Variants in BABAM1 observed in about 807,000 individuals in gnomAD.
BABAM1 encodes the protein BRISC and BRCA1-A complex member 1.
A neutral mutation model predicts 34.4 loss-of-function variants in BABAM1; 14 were observed. The ratio of observed to expected loss-of-function variants is 0.41; its 90% CI spans 0.27 to 0.64. The LOEUF (loss-of-function observed/expected upper bound fraction) is 0.64. BABAM1 is among the 30% of genes least tolerant of loss of function. The pLI is 0.34. For missense variants in BABAM1, 393 were observed against 434.0 expected (o/e 0.91, Z 0.84); for synonymous variants, 169 against 165.8 (o/e 1.02, Z -0.15).
At position 17,277,081 on chromosome 19, in the gene BABAM1, TGATGGGGTGGCAGCCATTGGGAC is replaced by T. The variant is rs2073918410; in HGVS notation, c.786+178_786+200del. The T allele has an allele frequency of 1.3e-5, 8 of 631,712 alleles. No individual in the cohort carries two copies. The South Asian group carries it at 1.6e-4, about 13-fold the overall frequency. The allele number at this position is 631,712 out of a possible 1,614,324, so 39.1% of individuals were successfully genotyped here. The stretch of plus-strand genomic sequence containing the variant: ...CCGTTTCCCAGTTGTCTGCTGTGAC[TGATGGGGTGGCAGCCATTGGGAC>T]GATGGTCCAGGCAACATGTTGAGTC... On this transcript the variant is annotated intron_variant, in intron 8 of 8. Transcript: ENST00000598188.
At chr19:17,272,332 G>A (rs1279925508) in intron 3 of BABAM1, among the ~76,000 whole-genome samples, 2 of 152,166 alleles carry the variant, frequency 1.3e-5, no homozygotes, top group Non-Finnish European at 2.9e-5. Context: ...TTGATCCCAA[G>A]AGTTTGAGGC....
chr19:17,278,377 C>T (rs1472254333), intron 8 of BABAM1, among the ~76,000 whole-genome samples: 2 of 148,194 alleles, frequency 1.3e-5, no homozygotes, highest in South Asian at 2.2e-4. Context: ...GGTGTGATCT[C>T]GGCTCACTGC....
At chr19:17,271,346 G>A (rs1008159847) in intron 2 of BABAM1, among the ~76,000 whole-genome samples, 5 of 152,102 alleles carry the variant, frequency 3.3e-5, no homozygotes, top group South Asian at 2.1e-4. Flanking sequence ...GCCACAGTTC[G>A]ATCCACTATA....
chr19:17,271,675 G>A lies in BABAM1; in HGVS notation c.344+20G>A, dbSNP rs997173429. The A allele has an allele frequency of 1.2e-6, 2 of 1,612,330 alleles. No individual in the cohort carries two copies. The highest frequency in any genetic ancestry group is 2.7e-5 in the African/African-American group (2 of 74,888). ...CAACGGGTAAGAGGGACATTTTAGG[G>A]CTTGAACATGCAGCCATGGCAGGGA... On this transcript the variant is annotated intron_variant, in intron 3 of 8. Transcript: ENST00000598188.
chr19:17,273,085 T>C (rs1447795428), intron 3 of BABAM1, among the ~76,000 whole-genome samples: 1 of 152,168 alleles, frequency 6.6e-6, no homozygotes, highest in Non-Finnish European at 1.5e-5. Flanking sequence ...CTATGGCCCA[T>C]TGAGGCTCCA....
intron 8 of BABAM1, chr19:17,277,202 CTTT>C (rs10532887): frequency 0.047 from 8,250 of 176,098 alleles, 10 homozygotes; most frequent in South Asian, 0.084. Flanking sequence ...CTTTCTTCTT[CTTT>C]TTTTTTTTTT....
Position 17,276,915 on chromosome 19 carries a change from A to G in BABAM1, c.786+6A>G. The G allele has an allele frequency of 6.3e-7, 1 of 1,587,958 alleles. No individual in the cohort carries two copies. The highest frequency in any genetic ancestry group is 8.6e-7 in the Non-Finnish European group (1 of 1,166,982). ...AGGAGGAGATGAGTTGGAAGGTGAG[A>G]GGCTGCAGCAGGTGTGAGTAGCAGG... On this transcript the variant is annotated splice_donor_region_variant and intron_variant, in intron 8 of 8. Coordinates refer to ENST00000598188, the MANE Select transcript of BABAM1 (RefSeq NM_014173.4).
chr19:17,275,195 A>T (rs2073893856), intron 5 of BABAM1, among the ~76,000 whole-genome samples: 1 of 152,006 alleles, frequency 6.6e-6, no homozygotes, highest in Admixed American at 6.6e-5. Context: ...ATGAGCCACC[A>T]TACCCGGCCC....
At position 17,275,824 on chromosome 19, in the gene BABAM1, A is replaced by T. The variant is rs1351329612; in HGVS notation, c.568A>T (p.Ile190Phe). ...TFNLEGLFSL[I>F]QQKTELPVTE... Reference sequence around the variant, plus strand: ...AGATCTGGAAGGACTTTTCAGCCTCATGTAAGTCCCCTGTGGGGAAATTCT... The same window carrying T: ...AGATCTGGAAGGACTTTTCAGCCTCTTGTAAGTCCCCTGTGGGGAAATTCT... The change falls in exon 6 of 9, where the codon ATC becomes TTC. Residue 190 changes from isoleucine to phenylalanine, a missense_variant and splice_region_variant. Ile to Phe is a conservative substitution (Grantham distance 21). Transcript: ENST00000598188. 1 of 1,613,520 alleles carries T rather than the reference A, an allele frequency of 6.2e-7. No individual in the cohort carries two copies. Among genetic ancestry groups the T allele is most frequent in the Admixed American group, 1.7e-5 (1 of 59,994 alleles).
intron 2 of BABAM1, among the ~76,000 whole-genome samples, chr19:17,270,654 T>C (rs59997441): frequency 0.4 from 59,680 of 150,752 alleles, 11,847 homozygotes; most frequent in Non-Finnish European, 0.41. Context: ...GCCTCCCAAG[T>C]AGCTGGGATT....
chr19:17,273,568 T>TG (rs10671791), intron 3 of BABAM1, among the ~76,000 whole-genome samples: 5 of 109,682 alleles, frequency 4.6e-5, no homozygotes, highest in African/African-American at 1.9e-4. Flanking sequence ...TGTTTTGTTT[T>TG]TTTTTTTTTT....
Position 17,273,983 on chromosome 19 carries a change from C to T in BABAM1, c.424C>T (p.His142Tyr). The T allele has an allele frequency of 6.2e-7, 1 of 1,613,956 alleles. No individual in the cohort carries two copies. The highest frequency in any genetic ancestry group is 8.5e-7 in the Non-Finnish European group (1 of 1,179,892). The part of the protein sequence containing the change: ...VRTKHKIDKS[H>Y]EFALVVVNDD... ...GACAAAACACAAGATCGACAAAAGC[C>T]ACGAGTTTGCACTGGTGGTGGTGAA... The change falls in exon 4 of 9, where the codon CAC (histidine) becomes TAC (tyrosine). Residue 142 changes from histidine (H) to tyrosine (Y), a missense_variant. Transcript: ENST00000598188.
intron 1 of BABAM1, chr19:17,268,472 C>A: frequency 5.7e-6 from 1 of 175,092 alleles, no homozygotes; most frequent in East Asian, 1.4e-4. Flanking sequence ...CTCTTTTTGC[C>A]CAGGATGGAG....
intron 2 of BABAM1, among the ~76,000 whole-genome samples, chr19:17,269,325 T>G (rs2073809901): frequency 6.6e-6 from 1 of 151,664 alleles, no homozygotes; most frequent in Non-Finnish European, 1.5e-5. Context: ...GGGAATTCTT[T>G]CTTGCCTCTT....
At chr19:17,268,380 A>G (rs1352459020) in intron 1 of BABAM1, among the ~76,000 whole-genome samples, 1 of 151,498 alleles carries the variant, frequency 6.6e-6, no homozygotes, top group Non-Finnish European at 1.5e-5. Flanking sequence ...GGAGTGACTC[A>G]TCATCAGTAA....
Position 17,279,094 on chromosome 19 carries a change from C to A in BABAM1, c.*46C>A. The A allele has an allele frequency of 6.4e-7, 1 of 1,560,192 alleles. No individual in the cohort carries two copies. Among genetic ancestry groups the A allele is most frequent in the Non-Finnish European group, 8.7e-7 (1 of 1,148,460 alleles). On this transcript the variant is annotated 3_prime_UTR_variant, in exon 9 of 9. Transcript: ENST00000598188. ...CCTTCTTGTGCAAGGAAGTCCTTGG[C>A]CTAAAGCCTTGGTTCTCAAACTGGG...
At chr19:17,275,298 A>T (rs10418362) in intron 5 of BABAM1, among the ~76,000 whole-genome samples, 26,039 of 150,182 alleles carry the variant, frequency 0.17, 2,405 homozygotes, top group Non-Finnish European at 0.19. Flanking sequence ...TTATTATTAT[A>T]TTTTTTTTTG....
At chr19:17,273,145 G>A (rs2073862338) in intron 3 of BABAM1, among the ~76,000 whole-genome samples, 1 of 152,206 alleles carries the variant, frequency 6.6e-6, no homozygotes, top group Admixed American at 6.5e-5. Context: ...CTTGCTCAAG[G>A]GCTCAGAGTA....
chr19:17,267,782 C>G lies in BABAM1; in HGVS notation c.-14+255C>G, dbSNP rs1227853588. 2.0e-5 allele frequency among the ~76,000 whole-genome samples: 3 copies of G among 152,230 alleles called. No individual in the cohort carries two copies. In the East Asian group the frequency reaches 5.8e-4, roughly 29 times the overall value. ...AAACTGCTCCATTCGCGTCCTGTTT[C>G]TCTCCAAGGGGAACCACAGTACTAA... is the stretch of plus-strand genomic sequence containing the variant. On this transcript the variant is annotated intron_variant, in intron 1 of 8. Transcript: ENST00000598188.
Sources: allele counts gnomAD v4.1 joint callset (sites outside exome capture counted in the v4.1 genomes callset), GRCh38; gene constraint gnomAD v4.1.1; transcripts MANE v1.5; gene names NCBI Gene and HGNC (gene_info 2026-07-23, HGNC 2026-07-21).